CLYBL: variants seen among roughly 807,000 people sequenced by gnomAD.
CLYBL encodes citramalyl-CoA lyase, mitochondrial.
A neutral mutation model predicts 38.9 loss-of-function variants in CLYBL; 31 were observed. That is an observed-to-expected ratio of 0.80 (90% CI 0.60 to 1.08). The LOEUF (loss-of-function observed/expected upper bound fraction) is 1.08. Ranked by LOEUF, CLYBL falls within the 50% of genes least tolerant of loss-of-function variation. CLYBL has a pLI of 0.00. For missense variants in CLYBL, 434 were observed against 411.6 expected, an observed-to-expected ratio of 1.05 and a Z score of -0.47; for synonymous variants, 171 against 158.6, an observed-to-expected ratio of 1.08 and a Z score of -0.59.
At chr13:99,699,101 C>A (rs891347240) in intron 1 of CLYBL, among the ~76,000 whole-genome samples, 8 of 152,050 alleles carry the variant, frequency 5.3e-5, no homozygotes, top group African/African-American at 1.9e-4. Flanking sequence ...AAAAATGAAC[C>A]TGGGACTGGC....
intron 1 of CLYBL, among the ~76,000 whole-genome samples, chr13:99,691,624 A>T (rs1267879998): frequency 2.6e-5 from 4 of 152,172 alleles, no homozygotes; most frequent in Non-Finnish European, 5.9e-5. Context: ...AAAAACCAGC[A>T]CTAGGGTACC....
At position 99,785,683 on chromosome 13, in the gene CLYBL, G is replaced by C. The variant is rs146686587; in HGVS notation, c.249+12673G>C. On this transcript the variant is annotated intron_variant, in intron 2 of 8. Coordinates refer to ENST00000339105, the MANE Select transcript of CLYBL (RefSeq NM_206808.5). ...ACAATCTCTGCTCACTGCAACATCTGCCTCCCAGGTTCAAGCAGTTCTTTG... is the reference window on the plus strand; with the variant it reads ...ACAATCTCTGCTCACTGCAACATCTCCCTCCCAGGTTCAAGCAGTTCTTTG... Among the ~76,000 whole-genome samples the C allele has an allele frequency of 1.6e-3, 243 of 151,346 alleles. 3 individuals carry two copies. The East Asian group carries it at 0.041, about 25-fold the overall frequency.
intron 3 of CLYBL, among the ~76,000 whole-genome samples, chr13:99,862,224 CTCTA>C (rs138435502): frequency 4.2e-4 from 64 of 152,232 alleles, no homozygotes; most frequent in East Asian, 2.7e-3. Context: ...TGTGTTTCTT[CTCTA>C]TCTATCTCCC....
In CLYBL at chr13:99,773,074, T is replaced by A. The variant is rs2049433863; in HGVS notation, c.249+64T>A. The stretch of plus-strand genomic sequence containing the variant: ...TGAAATTTGCTTCTCTTCCGAATAG[T>A]GACATTGCCCGCTATTTGGAAAGAT... On this transcript the variant is annotated intron_variant, in intron 2 of 8. Coordinates refer to ENST00000339105, the MANE Select transcript of CLYBL (RefSeq NM_206808.5). 2.2e-5 allele frequency: 30 copies of A among 1,354,926 alleles called. No individual in the cohort carries two copies. In the South Asian group the frequency reaches 3.2e-4, roughly 14 times the overall value. The allele number at this position is 1,354,926 out of a possible 1,614,324, so 83.9% of individuals were successfully genotyped here. A position where few individuals can be genotyped will look rare whatever the true frequency, so the allele number is the denominator to read the frequency against.
intron 2 of CLYBL, among the ~76,000 whole-genome samples, chr13:99,775,582 C>T (rs1279651798): frequency 6.6e-6 from 1 of 151,964 alleles, no homozygotes; most frequent in Non-Finnish European, 1.5e-5. Context: ...CATCATAGCT[C>T]ACTGCAGCCT....
intron 7 of CLYBL, among the ~76,000 whole-genome samples, chr13:99,890,223 G>A (rs2052453518): frequency 6.6e-6 from 1 of 152,110 alleles, no homozygotes; most frequent in Admixed American, 6.5e-5. Context: ...CCCCAGCTCT[G>A]GCTTTCCCTA....
At chr13:99,862,012 G>A (rs1425458965) in intron 3 of CLYBL, among the ~76,000 whole-genome samples, 1 of 152,078 alleles carries the variant, frequency 6.6e-6, no homozygotes, top group Non-Finnish European at 1.5e-5. Context: ...ATAGGGTCTT[G>A]AAACCCCCTT....
intron 2 of CLYBL, among the ~76,000 whole-genome samples, chr13:99,805,596 C>A (rs1227651077): frequency 1.3e-5 from 2 of 151,850 alleles, no homozygotes; most frequent in Non-Finnish European, 2.9e-5. Context: ...GGGGAGGGGA[C>A]TCAGAGGGAG....
intron 4 of CLYBL, among the ~76,000 whole-genome samples, chr13:99,863,584 T>A (rs1413423474): frequency 6.6e-6 from 1 of 152,240 alleles, no homozygotes; most frequent in East Asian, 1.9e-4. Context: ...AGTACAGTTT[T>A]TCAGTTTGCC....
chr13:99,790,103 G>A (rs1594184719), intron 2 of CLYBL, among the ~76,000 whole-genome samples: 1 of 152,030 alleles, frequency 6.6e-6, no homozygotes, highest in African/African-American at 2.4e-5. Context: ...CTGCATGTGA[G>A]ATGGGTCTCC....
chr13:99,893,443 AG>A (rs1185585929), downstream of CLYBL: 2 of 152,416 alleles, frequency 1.3e-5, no homozygotes, highest in South Asian at 4.1e-4. Context: ...GGAAGGCAAA[AG>A]AAGGCCTCTC....
intron 6 of CLYBL, among the ~76,000 whole-genome samples, chr13:99,867,681 C>T (rs972881965): frequency 2.0e-5 from 3 of 151,870 alleles, no homozygotes; most frequent in Non-Finnish European, 4.4e-5. Flanking sequence ...AGGATGTGAC[C>T]CAAATGGAAA....
At chr13:99,745,477 G>A (rs2048832221) in intron 1 of CLYBL, among the ~76,000 whole-genome samples, 1 of 152,072 alleles carries the variant, frequency 6.6e-6, no homozygotes. Context: ...AAAATATTAA[G>A]CTCCCTTAAA....
intron 2 of CLYBL, among the ~76,000 whole-genome samples, chr13:99,792,727 A>C (rs1185841487): frequency 6.6e-6 from 1 of 152,062 alleles, no homozygotes; most frequent in African/African-American, 2.4e-5. Context: ...TATGACCCCC[A>C]CAGTGAGCCC....
intron 2 of CLYBL, among the ~76,000 whole-genome samples, chr13:99,812,558 G>A (rs2050363605): frequency 6.6e-6 from 1 of 152,150 alleles, no homozygotes. Flanking sequence ...GAAAGAATGG[G>A]ACAAGATGAT....
At chr13:99,807,461 C>T (rs1189292061) in intron 2 of CLYBL, among the ~76,000 whole-genome samples, 2 of 152,102 alleles carry the variant, frequency 1.3e-5, no homozygotes, top group Non-Finnish European at 2.9e-5. Context: ...GATGAACGGG[C>T]AAACAAAATG....
intron 1 of CLYBL, among the ~76,000 whole-genome samples, chr13:99,732,652 TAACTC>T (rs1326604294): frequency 6.6e-6 from 1 of 152,198 alleles, no homozygotes; most frequent in African/African-American, 2.4e-5. Flanking sequence ...ACATACCTAT[TAACTC>T]AAGGTGTTAC....
At chr13:99,897,945 A>G (rs1042942861), downstream of CLYBL, among the ~76,000 whole-genome samples, 8 of 151,942 alleles carry the variant, frequency 5.3e-5, no homozygotes, top group East Asian at 3.9e-4. Flanking sequence ...CGTCTCAAAA[A>G]AAAGAAAGAA....
rs944456195 is a variant in CLYBL, at chr13:99,754,794, G to A, written c.63-18030G>A. ...TTATTAGTAGAGACGGGGTTTTACC[G>A]TGTTGGCCAGACTGGTCTCGAACTC... On this transcript the variant is annotated intron_variant, in intron 1 of 8. Coordinates refer to ENST00000339105, the MANE Select transcript of CLYBL (RefSeq NM_206808.5). 2.4e-4 allele frequency among the ~76,000 whole-genome samples: 32 copies of A among 131,830 alleles called. 1 individual carries two copies. Among genetic ancestry groups the A allele is most frequent in the African/African-American group, 3.7e-4 (13 of 34,928 alleles). 86.5% of individuals were successfully genotyped at this position (131,830 alleles called of 152,430 possible). A position where few individuals can be genotyped will look rare whatever the true frequency, so the allele number is the denominator to read the frequency against.
Sources: allele counts gnomAD v4.1 joint callset (sites outside exome capture counted in the v4.1 genomes callset), GRCh38; gene constraint gnomAD v4.1.1; transcripts MANE v1.5; gene names NCBI Gene and HGNC (gene_info 2026-07-23, HGNC 2026-07-21).